Variants in C4orf50 observed in about 807,000 individuals in gnomAD.
The protein encoded by C4orf50 is uncharacterized protein C4orf50.
Under a neutral mutation model 77.2 loss-of-function variants are expected in C4orf50, and 80 were observed. The observed-to-expected ratio is 1.04, with a 90% CI of 0.87 to 1.25. The LOEUF (loss-of-function observed/expected upper bound fraction) is 1.25, where lower values mean the gene tolerates loss of function less well. Among genes scored for constraint, C4orf50 ranks in the 50% most tolerant of loss-of-function variants. The probability of loss-of-function intolerance (pLI) is 0.00; values close to 1 mark genes in which losing one functional copy is unlikely to be tolerated. For missense variants in C4orf50, 1,257 were observed against 1,152.9 expected, an observed-to-expected ratio of 1.09 and a Z score of -1.31; for synonymous variants, 532 against 465.3, an observed-to-expected ratio of 1.14 and a Z score of -1.84.
chr4:5,978,267 G>C (rs983078215), intron 29 of C4orf50, among the ~76,000 whole-genome samples: 2 of 149,358 alleles, frequency 1.3e-5, no homozygotes, highest in Non-Finnish European at 3.0e-5. Flanking sequence ...AAGCAACTGC[G>C]ATAGAGATGT....
At chr4:5,926,243 C>T (rs1043505923) in intron 7 of C4orf50, among the ~76,000 whole-genome samples, 1 of 152,170 alleles carries the variant, frequency 6.6e-6, no homozygotes, top group African/African-American at 2.4e-5. Context: ...TCCAGGGGAA[C>T]ATTATTTAGC....
chr4:5,933,977 GA>G (rs1321372942), intron 7 of C4orf50, among the ~76,000 whole-genome samples: 1 of 152,140 alleles, frequency 6.6e-6, no homozygotes, highest in Non-Finnish European at 1.5e-5. Context: ...GCAGAAGCAG[GA>G]AGAGAGAGAA....
intron 7 of C4orf50, among the ~76,000 whole-genome samples, chr4:5,914,200 T>C (rs890733777): frequency 1.5e-5 from 2 of 130,094 alleles, no homozygotes; most frequent in Non-Finnish European, 3.1e-5. Flanking sequence ...TTTGTTTTTA[T>C]GGGTGTTTTT....
intron 23 of C4orf50, among the ~76,000 whole-genome samples, chr4:6,016,085 G>GT (rs1241700958): frequency 1.3e-5 from 2 of 152,092 alleles, no homozygotes; most frequent in Non-Finnish European, 2.9e-5. Flanking sequence ...TCTTACTTGT[G>GT]TTTTTTTGAG....
rs1481137868 is a variant in C4orf50 at position 6,017,559 on chromosome 4, C to T, written c.287+586G>A. Among the ~76,000 whole-genome samples the T allele has an allele frequency of 2.0e-5, 3 of 152,214 alleles. No individual in the cohort carries two copies. Among genetic ancestry groups the T allele is most frequent in the Non-Finnish European group, 4.4e-5 (3 of 68,034 alleles). On this transcript the variant is annotated intron_variant, in intron 23 of 33. Transcript: ENST00000531445. The surrounding 1 kb of genome is among the most constrained non-coding windows in gnomAD (Gnocchi z 4.7). ...TCCTCCAAAACAACCCTTGTCATTG[C>T]AGAAACCATAGGCTGTGATGCCTGT...
chr4:5,939,841 C>T (rs968361901), intron 7 of C4orf50, among the ~76,000 whole-genome samples: 1 of 152,188 alleles, frequency 6.6e-6, no homozygotes, highest in African/African-American at 2.4e-5. Flanking sequence ...GGATTTGGCT[C>T]CTTTAGTCTT....
intron 29 of C4orf50, among the ~76,000 whole-genome samples, chr4:5,977,453 A>T (rs1042892953): frequency 3.3e-5 from 5 of 152,238 alleles, no homozygotes; most frequent in African/African-American, 1.2e-4. Flanking sequence ...AATATGCAAG[A>T]TTTTAAAAGA....
chr4:5,975,937 T>C lies in C4orf50; in HGVS notation c.3883A>G (p.Lys1295Glu), dbSNP rs60551105. 18 of 1,614,008 alleles carry C rather than the reference T, an allele frequency of 1.1e-5. No individual in the cohort carries two copies. In the African/African-American group the frequency reaches 2.3e-4, roughly 20 times the overall value. Reference sequence around the variant, plus strand: ...ACTGCCAACTTTGCTTCATGTTGCTTTTTCTGAAGTTCTTCAAGCTGAAAT... The same window carrying C: ...ACTGCCAACTTTGCTTCATGTTGCTCTTTCTGAAGTTCTTCAAGCTGAAAT... Residue 1295 changes from lysine to glutamate, a missense_variant, in exon 30 of 34, where the codon AAG becomes GAG. Lys to Glu is a moderately conservative substitution (Grantham distance 56). Coordinates refer to ENST00000531445, the Ensembl canonical transcript of C4orf50.
intron 7 of C4orf50, among the ~76,000 whole-genome samples, chr4:5,949,271 G>T (rs992270770): frequency 2.0e-5 from 3 of 152,206 alleles, no homozygotes; most frequent in African/African-American, 7.2e-5. Flanking sequence ...TAGATGAAAA[G>T]ACTTTAAAGA....
intron 25 of C4orf50, among the ~76,000 whole-genome samples, chr4:5,998,594 C>T (rs938284972): frequency 6.6e-6 from 1 of 152,214 alleles, no homozygotes; most frequent in African/African-American, 2.4e-5. Context: ...ATCGTGATCT[C>T]AGCTCTGGGA....
At chr4:5,925,672 G>A (rs1048388063) in intron 7 of C4orf50, among the ~76,000 whole-genome samples, 2 of 152,282 alleles carry the variant, frequency 1.3e-5, no homozygotes, top group Admixed American at 1.3e-4. Context: ...CCTGAGCACG[G>A]CCCTGTGGTC....
At chr4:5,975,703 G>A (rs1577955372) in intron 30 of C4orf50, among the ~76,000 whole-genome samples, 196 bp downstream of exon 8, 3 of 152,076 alleles carry the variant, frequency 2.0e-5, no homozygotes, top group African/African-American at 7.2e-5. Flanking sequence ...TGCCCAGGCC[G>A]GTCTCAAACT....
At chr4:5,973,330 C>T (rs1157860438) in intron 31 of C4orf50, among the ~76,000 whole-genome samples, 1 of 152,214 alleles carries the variant, frequency 6.6e-6, no homozygotes, top group Non-Finnish European at 1.5e-5. Context: ...AGGAAGTGGC[C>T]AGTGCACAGG....
In C4orf50 at chr4:6,008,458, G is replaced by C. The variant is rs1722345927; in HGVS notation, c.501C>G (p.Asp167Glu). ...CCGCCGCCTGCTGCCCCAGTGCCTC[G>C]TCCTTGCGCCGCAACCGCTCCTGCA... The change falls in exon 25 of 34, where the codon GAC becomes GAG. Residue 167 changes from aspartate (D) to glutamate (E), a missense_variant. By Grantham distance (45) the Asp-to-Glu change is conservative (BLOSUM62 2). Coordinates refer to ENST00000531445, the Ensembl canonical transcript of C4orf50. This position sits in a 1 kb window ranked among gnomAD's most constrained non-coding sequence, Gnocchi z 6.0. 1 of 397,346 alleles carries C rather than the reference G, an allele frequency of 2.5e-6. No individual in the cohort carries two copies. Among genetic ancestry groups the C allele is most frequent in the Non-Finnish European group, 4.4e-6 (1 of 225,262 alleles). 24.6% of individuals were successfully genotyped at this position (397,346 alleles called of 1,614,324 possible). A position where few individuals can be genotyped will look rare whatever the true frequency, so the allele number is the denominator to read the frequency against.
intron 7 of C4orf50, among the ~76,000 whole-genome samples, chr4:5,924,484 G>A (rs1717422295): frequency 1.3e-5 from 2 of 152,192 alleles, no homozygotes; most frequent in South Asian, 4.1e-4. Context: ...GGAGCAGAGA[G>A]CAGGAAAGGC....
chr4:5,935,477 A>G (rs16837855), intron 7 of C4orf50, among the ~76,000 whole-genome samples: 37,346 of 152,136 alleles, frequency 0.25, 6,213 homozygotes, highest in African/African-American at 0.47. Context: ...ATGCTGAAAC[A>G]CACAGGATTC....
chr4:5,931,953 G>A (rs891618691), intron 7 of C4orf50, among the ~76,000 whole-genome samples: 2 of 152,122 alleles, frequency 1.3e-5, no homozygotes, highest in South Asian at 2.1e-4. Context: ...TGCAAGCCAC[G>A]CAGAAGGGCA....
chr4:5,912,809 GTT>G (rs1297195496), intron 7 of C4orf50, among the ~76,000 whole-genome samples: 1 of 152,200 alleles, frequency 6.6e-6, no homozygotes. Flanking sequence ...GTACTGGAGA[GTT>G]TTAAAATTGT....
chr4:6,004,026 T>TAGTGATGATG (rs1560598315), intron 25 of C4orf50, among the ~76,000 whole-genome samples: 2 of 13,756 alleles, frequency 1.5e-4, no homozygotes, highest in Non-Finnish European at 1.8e-4. Context: ...ATGGTGATAA[T>TAGTGATGATG]GTGATAGTGA....
Sources: gnomAD v4.1 joint callset for allele counts (sites outside exome capture counted in the v4.1 genomes callset) on GRCh38, gnomAD v4.1.1 for gene constraint, Gnocchi (gnomAD v3.1) non-coding constraint, MANE v1.5 for transcripts, NCBI Gene and HGNC (gene_info 2026-07-23, HGNC 2026-07-21) for gene names.